The following CSE1L variants were observed in gnomAD, a reference collection of about 807,000 sequenced individuals.
CSE1L encodes exportin-2.
In CSE1L, 24 loss-of-function variants were observed where a neutral mutation model predicts 120.4. That is an observed-to-expected ratio of 0.20 (90% CI 0.14 to 0.28). CSE1L has a LOEUF of 0.28. Among genes scored for constraint, CSE1L ranks in the 10% least tolerant of loss-of-function variants. The pLI, the probability that CSE1L is intolerant of heterozygous loss-of-function variation, is 1.00. For synonymous variants in CSE1L, 402 were observed against 398.3 expected (o/e 1.01, Z -0.11); for missense variants, 830 against 1,145.2 (o/e 0.72, Z 3.97).
chr20:49,082,379 G>A (rs974961601), intron 14 of CSE1L, among the ~76,000 whole-genome samples: 1 of 151,946 alleles, frequency 6.6e-6, no homozygotes, highest in African/African-American at 2.4e-5. Flanking sequence ...CCTGACCTCA[G>A]GTGATCCACC....
chr20:49,054,907 C>T (rs1380881313), intron 1 of CSE1L, among the ~76,000 whole-genome samples: 1 of 152,226 alleles, frequency 6.6e-6, no homozygotes, highest in African/African-American at 2.4e-5. Flanking sequence ...CCTACTTTGC[C>T]TATTCAGATA....
intron 19 of CSE1L, among the ~76,000 whole-genome samples, chr20:49,090,028 G>A (rs2092088789): frequency 6.6e-6 from 1 of 152,046 alleles, no homozygotes; most frequent in Admixed American, 6.6e-5. Flanking sequence ...GGGAGGCTAA[G>A]GTGAGAGGGT....
At position 49,089,228 on chromosome 20, in the gene CSE1L, T is replaced by G. The variant is rs778515238; in HGVS notation, c.1822-19T>G. The G allele has an allele frequency of 1.0e-4, 74 of 740,508 alleles. No homozygotes were observed. The highest frequency in any genetic ancestry group is 1.9e-4 in the African/African-American group (3 of 15,916). 45.9% of individuals were successfully genotyped at this position (740,508 alleles called of 1,614,324 possible). ...GTGTGGATTATTAGCATAATTAGGTTTTTTTTTTTTAATTTCAGAACCCAA... is the reference window on the plus strand; with the variant it reads ...GTGTGGATTATTAGCATAATTAGGTGTTTTTTTTTTAATTTCAGAACCCAA... On this transcript the variant is annotated intron_variant, in intron 17 of 24. Transcript: ENST00000262982.
At chr20:49,083,149 C>T (rs527450205) in intron 14 of CSE1L, among the ~76,000 whole-genome samples, 20 of 151,896 alleles carry the variant, frequency 1.3e-4, no homozygotes, top group African/African-American at 4.1e-4. Flanking sequence ...CTCAGCCTCC[C>T]GAGTAGCTGG....
chr20:49,060,822 GC>G (rs1040600243), intron 2 of CSE1L, among the ~76,000 whole-genome samples: 3 of 152,016 alleles, frequency 2.0e-5, no homozygotes, highest in Admixed American at 2.0e-4. Flanking sequence ...CTACTTCTGG[GC>G]CAGATATATC....
At chr20:49,063,142 G>T (rs771766492) in intron 2 of CSE1L, 60 bp from the exon 3 acceptor site, 3 of 870,920 alleles carry the variant, frequency 3.4e-6, no homozygotes, top group South Asian at 2.5e-5. Flanking sequence ...ATATATATTT[G>T]ATATATATAA....
intron 17 of CSE1L, among the ~76,000 whole-genome samples, chr20:49,088,951 T>C (rs2092080673): frequency 6.6e-6 from 1 of 152,154 alleles, no homozygotes; most frequent in South Asian, 2.1e-4. Flanking sequence ...AAGTTAAGGC[T>C]AGTGGCATTA....
At chr20:49,084,680 G>T (rs2092039643) in intron 15 of CSE1L, among the ~76,000 whole-genome samples, 1 of 152,272 alleles carries the variant, frequency 6.6e-6, no homozygotes, top group East Asian at 1.9e-4. Flanking sequence ...CAAGAAAATA[G>T]GTCTTCTGGC....
intron 1 of CSE1L, among the ~76,000 whole-genome samples, chr20:49,050,007 G>T (rs773717057): frequency 4.6e-4 from 70 of 152,082 alleles, no homozygotes; most frequent in Non-Finnish European, 8.8e-4. Flanking sequence ...TCCAGCCTAG[G>T]TAACAGACCC....
At chr20:49,066,546 T>G (rs2752923) in intron 5 of CSE1L, 36 bp downstream of exon 5, 5 of 1,557,648 alleles carry the variant, frequency 3.2e-6, no homozygotes, top group Non-Finnish European at 4.4e-6. Flanking sequence ...TAAAATACTT[T>G]CTAAAGTTTT....
chr20:49,071,719 G>A (rs745725212), intron 8 of CSE1L, among the ~76,000 whole-genome samples: 2 of 151,974 alleles, frequency 1.3e-5, no homozygotes, highest in African/African-American at 4.8e-5. Context: ...TTGGCCCGTC[G>A]CAGTGGCCCA....
intron 24 of CSE1L, chr20:49,095,274 A>C (rs1431373778): frequency 3.3e-6 from 1 of 306,076 alleles, no homozygotes; most frequent in Non-Finnish European, 6.1e-6. Flanking sequence ...TATTTCCCAG[A>C]TCGAAGTAAT....
chr20:49,077,657 C>T (rs949329239), intron 13 of CSE1L, among the ~76,000 whole-genome samples: 27 of 152,116 alleles, frequency 1.8e-4, no homozygotes, highest in African/African-American at 6.0e-4. Context: ...ATTTGAAAGA[C>T]GAATTCTTAA....
intron 24 of CSE1L, among the ~76,000 whole-genome samples, chr20:49,095,466 C>T (rs1385723216): frequency 6.6e-6 from 1 of 151,948 alleles, no homozygotes. Context: ...AGCTAGGACC[C>T]ACTATGCCCA....
chr20:49,066,425 C>T lies in CSE1L; in HGVS notation c.391C>T (p.Leu131=), dbSNP rs765701801. The T allele has an allele frequency of 6.2e-7, 1 of 1,614,150 alleles. No individual in the cohort carries two copies. Among genetic ancestry groups the T allele is most frequent in the Non-Finnish European group, 8.5e-7 (1 of 1,179,996 alleles). The change falls in exon 5 of 25, where the codon CTG becomes TTG. Residue 131 remains leucine, a synonymous_variant. Coordinates refer to ENST00000262982, the MANE Select transcript of CSE1L (RefSeq NM_001316.4). ...TTTTCCACAGAAATGGCCTGACTTG[C>T]TGACAGAAATGGTGAATCGCTTTCA... ...EDFPQKWPDL[L]TEMVNRFQSG...
In CSE1L at chr20:49,085,319, T is replaced by A; in HGVS notation, c.1656T>A (p.Ile552=). The A allele has an allele frequency of 6.2e-7, 1 of 1,614,020 alleles. No homozygotes were observed. The highest frequency in any genetic ancestry group is 8.5e-7 in the Non-Finnish European group (1 of 1,179,966). The change falls in exon 16 of 25, where the codon ATT becomes ATA. Residue 552 remains isoleucine, a synonymous_variant. Transcript: ENST00000262982. ...CAGAAATCGCACCGTTTGTTGAGAT[T>A]CTGCTAACAAACCTTTTCAAAGCTC... ...TAAEIAPFVE[I]LLTNLFKALT... is the part of the protein sequence containing the mutation.
chr20:49,059,618 G>A (rs189800603), intron 2 of CSE1L, among the ~76,000 whole-genome samples: 2 of 152,000 alleles, frequency 1.3e-5, no homozygotes, highest in Non-Finnish European at 2.9e-5. Flanking sequence ...GGTGGCTCAC[G>A]CTTGTAATCC....
intron 8 of CSE1L, among the ~76,000 whole-genome samples, chr20:49,070,552 G>A (rs537069548): frequency 2.0e-5 from 3 of 152,288 alleles, no homozygotes; most frequent in African/African-American, 7.2e-5. Context: ...TTAAAGTAGT[G>A]ACATTATGGA....
intron 2 of CSE1L, among the ~76,000 whole-genome samples, chr20:49,062,648 T>A (rs2091861218): frequency 6.6e-6 from 1 of 152,158 alleles, no homozygotes; most frequent in Non-Finnish European, 1.5e-5. Flanking sequence ...AACAAGTTAC[T>A]TAACCTTAGT....
Sources: gnomAD v4.1 joint callset for allele counts (sites outside exome capture counted in the v4.1 genomes callset) on GRCh38, gnomAD v4.1.1 for gene constraint, MANE v1.5 for transcripts, NCBI Gene and HGNC (gene_info 2026-07-23, HGNC 2026-07-21) for gene names.